NELL1: variants seen among roughly 807,000 people sequenced by gnomAD.
NELL1 encodes protein kinase C-binding protein NELL1.
Under a neutral mutation model 107.4 loss-of-function variants are expected in NELL1, and 76 were observed. The observed-to-expected ratio is 0.71, with a 90% CI of 0.59 to 0.86. The LOEUF is 0.86. NELL1 is among the 40% of genes least tolerant of loss of function. The pLI is 0.00. For missense variants in NELL1, 1,024 were observed against 1,005.5 expected (o/e 1.02, Z -0.25); for synonymous variants, 353 against 341.2 (o/e 1.03, Z -0.38).
At chr11:20,903,599 A>G (rs1240265197) in intron 5 of NELL1, among the ~76,000 whole-genome samples, 4 of 152,066 alleles carry the variant, frequency 2.6e-5, no homozygotes, top group Admixed American at 2.6e-4. Context: ...TTATCTCTAT[A>G]AGGAGCCCAC....
chr11:20,982,319 A>G (rs1169251148), intron 12 of NELL1, among the ~76,000 whole-genome samples: 1 of 152,178 alleles, frequency 6.6e-6, no homozygotes, highest in African/African-American at 2.4e-5. Context: ...GTGAGGGGAT[A>G]GTTTATGGGT....
intron 15 of NELL1, among the ~76,000 whole-genome samples, chr11:21,450,110 ACT>A (rs1564899696): frequency 6.6e-6 from 1 of 152,210 alleles, no homozygotes; most frequent in African/African-American, 2.4e-5. Flanking sequence ...GCTTTAGGTT[ACT>A]TCTGAAAGAT....
intron 15 of NELL1, among the ~76,000 whole-genome samples, chr11:21,495,380 C>T (rs1386087262): frequency 6.6e-6 from 1 of 152,048 alleles, no homozygotes; most frequent in Non-Finnish European, 1.5e-5. Context: ...TTTACAGGTA[C>T]ACCACATTTG....
chr11:21,503,221 A>G (rs551800564), intron 15 of NELL1, among the ~76,000 whole-genome samples: 10 of 152,228 alleles, frequency 6.6e-5, no homozygotes, highest in Non-Finnish European at 1.5e-4. Flanking sequence ...AAGACAGAAC[A>G]TACACAGTAA....
intron 15 of NELL1, among the ~76,000 whole-genome samples, chr11:21,458,589 T>C (rs1379517039): frequency 1.3e-5 from 2 of 152,176 alleles, no homozygotes; most frequent in Non-Finnish European, 2.9e-5. Context: ...TCTTGTAATA[T>C]ATTTTGAGTG....
chr11:20,818,581 T>C (rs750723403), intron 3 of NELL1, among the ~76,000 whole-genome samples: 1 of 152,188 alleles, frequency 6.6e-6, no homozygotes. Context: ...TGGTGAGTTA[T>C]CTTTAAATAT....
At chr11:21,211,825 GT>G (rs1239197031) in intron 13 of NELL1, among the ~76,000 whole-genome samples, 1 of 151,866 alleles carries the variant, frequency 6.6e-6, no homozygotes, top group African/African-American at 2.4e-5. Flanking sequence ...TTTTTTGTTT[GT>G]TTGGTTTTTT....
intron 13 of NELL1, among the ~76,000 whole-genome samples, chr11:21,129,616 G>A (rs1418357385): frequency 6.6e-6 from 1 of 152,144 alleles, no homozygotes; most frequent in Non-Finnish European, 1.5e-5. Context: ...TAATGTGGAT[G>A]AGACTAGAGA....
At chr11:21,303,765 C>A (rs1401327658) in intron 14 of NELL1, among the ~76,000 whole-genome samples, 1 of 152,052 alleles carries the variant, frequency 6.6e-6, no homozygotes, top group Non-Finnish European at 1.5e-5. Flanking sequence ...ACCTAAGCGT[C>A]CATCACTCAG....
chr11:21,574,434 G>C (rs989054729), intron 19 of NELL1, among the ~76,000 whole-genome samples: 2 of 151,620 alleles, frequency 1.3e-5, no homozygotes, highest in African/African-American at 4.8e-5. Context: ...AATTATAAAG[G>C]TATATTTACA....
chr11:20,832,064 A>G (rs912432875), intron 3 of NELL1, among the ~76,000 whole-genome samples: 7 of 152,156 alleles, frequency 4.6e-5, no homozygotes, highest in African/African-American at 1.7e-4. Flanking sequence ...TGTAATAGCA[A>G]GTGGGCTGGG....
intron 4 of NELL1, among the ~76,000 whole-genome samples, chr11:20,872,774 A>G (rs975260566): frequency 3.3e-5 from 5 of 151,338 alleles, no homozygotes; most frequent in African/African-American, 2.4e-5. Flanking sequence ...GTTCCTTACC[A>G]TAACTGCTAG....
At chr11:20,994,099 A>C (rs1444514748) in intron 12 of NELL1, among the ~76,000 whole-genome samples, 1 of 152,216 alleles carries the variant, frequency 6.6e-6, no homozygotes, top group Non-Finnish European at 1.5e-5. Context: ...AATCTATTTT[A>C]CTTTTGTGCA....
At chr11:21,405,860 G>A (rs1047381500) in intron 15 of NELL1, among the ~76,000 whole-genome samples, 4 of 151,916 alleles carry the variant, frequency 2.6e-5, no homozygotes, top group African/African-American at 9.7e-5. Flanking sequence ...CAATATCCAG[G>A]AATGGTGAAC....
intron 14 of NELL1, among the ~76,000 whole-genome samples, chr11:21,251,057 G>A (rs1198999358): frequency 6.6e-6 from 1 of 152,138 alleles, no homozygotes; most frequent in Non-Finnish European, 1.5e-5. Context: ...TAGTTCAAAT[G>A]TAAATGCCAT....
chr11:21,055,002 A>G (rs1458962356), intron 12 of NELL1, among the ~76,000 whole-genome samples: 1 of 152,024 alleles, frequency 6.6e-6, no homozygotes, highest in Non-Finnish European at 1.5e-5. Flanking sequence ...ACAATTTTAT[A>G]GTTTAATTTT....
intron 3 of NELL1, among the ~76,000 whole-genome samples, chr11:20,817,700 G>A (rs777807111): frequency 1.2e-4 from 18 of 150,732 alleles, no homozygotes; most frequent in Non-Finnish European, 2.1e-4. Context: ...GTTTGTTGTC[G>A]CTTTTCTATT....
At chr11:21,325,590 T>C (rs117288321) in intron 14 of NELL1, among the ~76,000 whole-genome samples, 3,313 of 152,178 alleles carry the variant, frequency 0.022, 48 homozygotes, top group Middle Eastern at 0.037. Context: ...ACTGGTCCTT[T>C]GCATTTTTTT....
At chr11:21,133,324 G>A (rs1401087261) in intron 13 of NELL1, among the ~76,000 whole-genome samples, 2 of 152,152 alleles carry the variant, frequency 1.3e-5, no homozygotes, top group Non-Finnish European at 2.9e-5. Context: ...AGCACCGAAA[G>A]TTTTCATTCC....
Sources: gnomAD v4.1 joint callset for allele counts (sites outside exome capture counted in the v4.1 genomes callset) on GRCh38, gnomAD v4.1.1 for gene constraint, MANE v1.5 for transcripts, NCBI Gene and HGNC (gene_info 2026-07-23, HGNC 2026-07-21) for gene names.